The following SKA2 variants were observed in gnomAD, a reference collection of about 807,000 sequenced individuals.
SKA2 encodes spindle and kinetochore-associated protein 2.
Under a neutral mutation model 16.9 loss-of-function variants are expected in SKA2, and 13 were observed. The ratio of observed to expected loss-of-function variants is 0.77; its 90% confidence interval spans 0.50 to 1.22. SKA2 has a LOEUF of 1.22. Among genes scored for constraint, SKA2 ranks in the 50% most tolerant of loss-of-function variants. The pLI, the probability that SKA2 is intolerant of heterozygous loss-of-function variation, is 0.00. For missense variants in SKA2, 107 were observed against 139.7 expected, an observed-to-expected ratio of 0.77 and a Z score of 1.18; for synonymous variants, 47 against 48.5, an observed-to-expected ratio of 0.97 and a Z score of 0.13.
intron 2 of SKA2, among the ~76,000 whole-genome samples, chr17:59,126,767 A>G (rs1239777391): frequency 2.6e-5 from 4 of 152,236 alleles, no homozygotes; most frequent in Non-Finnish European, 5.9e-5. Context: ...ACTTCTGGGT[A>G]TAAACCCGAA....
intron 2 of SKA2, among the ~76,000 whole-genome samples, chr17:59,130,905 G>C (rs913907787): frequency 6.6e-6 from 1 of 152,108 alleles, no homozygotes; most frequent in African/African-American, 2.4e-5. Context: ...AAATCTAATA[G>C]TGTATCATTA....
chr17:59,141,133 G>A lies in SKA2; in HGVS notation c.34-9766C>T, dbSNP rs554785987. ...ATGTAATTCGGCTGGGCACAGTGGC[G>A]CATGCCTATAACCCCAGCACTCTGG... On this transcript the variant is annotated intron_variant, in intron 1 of 3. Coordinates refer to ENST00000330137, the MANE Select transcript of SKA2 (RefSeq NM_182620.4). Among the ~76,000 whole-genome samples, 6 of 151,300 alleles carry A rather than the reference G, an allele frequency of 4.0e-5. No individual in the cohort carries two copies. The East Asian group carries it at 5.9e-4, about 15-fold the overall frequency.
intron 1 of SKA2, among the ~76,000 whole-genome samples, chr17:59,132,393 GTGGC>G (rs2046417517): frequency 6.6e-6 from 1 of 152,010 alleles, no homozygotes; most frequent in African/African-American, 2.4e-5. Flanking sequence ...GCCAGGCACA[GTGGC>G]TCATCCCTGT....
intron 1 of SKA2, among the ~76,000 whole-genome samples, chr17:59,139,166 G>A (rs2046468386): frequency 6.6e-6 from 1 of 152,082 alleles, no homozygotes; most frequent in South Asian, 2.1e-4. Flanking sequence ...GGGAGGCTGA[G>A]GCGGGCGGAG....
intron 1 of SKA2, among the ~76,000 whole-genome samples, chr17:59,147,517 T>TATCTGTA (rs2046542959): frequency 6.6e-6 from 1 of 152,148 alleles, no homozygotes; most frequent in African/African-American, 2.4e-5. Flanking sequence ...TTCCCTCTGG[T>TATCTGTA]ATCTGTATTT....
At chr17:59,121,959 C>T (rs537408893) in intron 2 of SKA2, among the ~76,000 whole-genome samples, 2 of 149,678 alleles carry the variant, frequency 1.3e-5, no homozygotes, top group Middle Eastern at 3.4e-3. Flanking sequence ...CCACAGAGTG[C>T]GACTCCATCT....
chr17:59,147,377 G>GAC (rs57098353), intron 1 of SKA2, among the ~76,000 whole-genome samples: 8,268 of 138,116 alleles, frequency 0.06, 308 homozygotes, highest in African/African-American at 0.12. Context: ...TTATATATAA[G>GAC]ACACACACAC....
intron 3 of SKA2, among the ~76,000 whole-genome samples, chr17:59,115,624 C>T (rs2046291410): frequency 6.6e-6 from 1 of 151,802 alleles, no homozygotes; most frequent in Non-Finnish European, 1.5e-5. Flanking sequence ...GACAGAGTCT[C>T]GTTCCATCGC....
At chr17:59,120,130 A>C (rs2046322761) in intron 2 of SKA2, among the ~76,000 whole-genome samples, 1 of 152,018 alleles carries the variant, frequency 6.6e-6, no homozygotes, top group African/African-American at 2.4e-5. Context: ...GGATGGTCTC[A>C]ATCTCCTGAC....
intron 1 of SKA2, among the ~76,000 whole-genome samples, chr17:59,142,377 G>A (rs2046497481): frequency 6.7e-6 from 1 of 148,440 alleles, no homozygotes; most frequent in African/African-American, 2.5e-5. Flanking sequence ...CGCAACCTCT[G>A]CCTCCTGGGT....
At chr17:59,148,808 C>CAAAAAAAAA (rs758187008) in intron 1 of SKA2, among the ~76,000 whole-genome samples, 2 of 47,580 alleles carry the variant, frequency 4.2e-5, no homozygotes, top group Admixed American at 2.8e-4. Context: ...GACCCTGTCT[C>CAAAAAAAAA]AAAAAAAAAA....
chr17:59,112,450 T>C, intron 3 of SKA2, 105 bp from the exon 4 acceptor site: 1 of 769,842 alleles, frequency 1.3e-6, no homozygotes, highest in Non-Finnish European at 2.1e-6. Context: ...CCTAAGCTTA[T>C]ACTATGTATG....
chr17:59,116,686 G>T (rs999392562), intron 3 of SKA2, among the ~76,000 whole-genome samples: 1 of 151,556 alleles, frequency 6.6e-6, no homozygotes, highest in African/African-American at 2.4e-5. Flanking sequence ...TAGCACTATT[G>T]GTTCCAATGA....
chr17:59,117,280 A>G (rs2046303059), intron 3 of SKA2, among the ~76,000 whole-genome samples: 1 of 152,184 alleles, frequency 6.6e-6, no homozygotes, highest in South Asian at 2.1e-4. Context: ...TGGATCATAA[A>G]AATTTATCAA....
chr17:59,144,028 C>A (rs557934987), intron 1 of SKA2, among the ~76,000 whole-genome samples: 1 of 152,018 alleles, frequency 6.6e-6, no homozygotes, highest in Admixed American at 6.6e-5. Context: ...TGGCGTCATG[C>A]GCCTGTAGTC....
At chr17:59,138,953 G>A (rs1290402020) in intron 1 of SKA2, among the ~76,000 whole-genome samples, 2 of 152,096 alleles carry the variant, frequency 1.3e-5, no homozygotes, top group Non-Finnish European at 2.9e-5. Context: ...TGCCCTTAAA[G>A]CTCTAAACAC....
intron 1 of SKA2, among the ~76,000 whole-genome samples, chr17:59,149,885 C>T (rs1474373751): frequency 6.6e-6 from 1 of 152,102 alleles, no homozygotes; most frequent in African/African-American, 2.4e-5. Context: ...AAGAGGTTGA[C>T]CACAAAGAGG....
At chr17:59,117,862 C>G (rs976310380) in intron 3 of SKA2, 2 of 152,200 alleles carry the variant, frequency 1.3e-5, no homozygotes, top group Non-Finnish European at 2.9e-5. Flanking sequence ...TTTGCCATAA[C>G]TTGATCCAAA....
intron 1 of SKA2, among the ~76,000 whole-genome samples, chr17:59,150,716 T>G (rs2046570833): frequency 6.6e-6 from 1 of 152,000 alleles, no homozygotes; most frequent in Non-Finnish European, 1.5e-5. Context: ...CACTCCAGCC[T>G]GGGCAACAGA....
Sources: gnomAD v4.1 joint callset for allele counts (sites outside exome capture counted in the v4.1 genomes callset) on GRCh38, gnomAD v4.1.1 for gene constraint, MANE v1.5 for transcripts, NCBI Gene and HGNC (gene_info 2026-07-23, HGNC 2026-07-21) for gene names.